The following HACE1 variants were observed in gnomAD, a reference collection of about 807,000 sequenced individuals.
The protein encoded by HACE1 is E3 ubiquitin-protein ligase HACE1.
Under a neutral mutation model 118.4 loss-of-function variants are expected in HACE1, and 73 were observed. The ratio of observed to expected loss-of-function variants is 0.62; its 90% CI spans 0.51 to 0.75. The LOEUF is 0.75. HACE1 is among the 30% of genes least tolerant of loss of function. HACE1 has a pLI of 0.00. For synonymous variants in HACE1, 368 were observed against 374.8 expected, an observed-to-expected ratio of 0.98 and a Z score of 0.21; for missense variants, 749 against 1,102.2, an observed-to-expected ratio of 0.68 and a Z score of 4.54.
chr6:104,760,695 A>C (rs1779253819), intron 19 of HACE1, among the ~76,000 whole-genome samples: 1 of 152,238 alleles, frequency 6.6e-6, no homozygotes, highest in African/African-American at 2.4e-5. Context: ...AATTCTGGCC[A>C]GGGCAATCAG....
At chr6:104,772,182 T>A in intron 17 of HACE1, 108 bp from the exon 18 acceptor site, 1 of 663,410 alleles carries the variant, frequency 1.5e-6, no homozygotes, top group Non-Finnish European at 2.7e-6. Context: ...AAAGCTAAGG[T>A]TACATTATGT....
At chr6:104,849,042 G>C in intron 4 of HACE1, 100 bp downstream of exon 4, 1 of 756,132 alleles carries the variant, frequency 1.3e-6, no homozygotes. Context: ...TTTTTCCCAA[G>C]GTAAATATCA....
chr6:104,840,998 A>T lies in HACE1; in HGVS notation c.402+2225T>A, dbSNP rs1321765602. The stretch of plus-strand genomic sequence containing the variant: ...TAGCTGGGCATGGTAGCAGGCGCCT[A>T]TATTCCCAGCTACTCGGGAGGCTGA... On this transcript the variant is annotated intron_variant, in intron 5 of 23. Coordinates refer to ENST00000262903, the MANE Select transcript of HACE1 (RefSeq NM_020771.4). Among the ~76,000 whole-genome samples the T allele has an allele frequency of 2.0e-5, 3 of 151,412 alleles. 1 individual carries two copies. Among genetic ancestry groups the T allele is most frequent in the Middle Eastern group, 6.8e-3 (2 of 292 alleles).
intron 4 of HACE1, among the ~76,000 whole-genome samples, chr6:104,848,034 T>C (rs1487744231): frequency 6.6e-6 from 1 of 151,718 alleles, no homozygotes; most frequent in Non-Finnish European, 1.5e-5. Flanking sequence ...GTATTTTTAG[T>C]AGAGACAGGG....
At chr6:104,740,119 T>G (rs146669089) in intron 22 of HACE1, among the ~76,000 whole-genome samples, 8 of 146,296 alleles carry the variant, frequency 5.5e-5, no homozygotes, top group African/African-American at 7.9e-5. Flanking sequence ...TTGAAACCAA[T>G]GAGAACAACG....
At chr6:104,775,346 T>A (rs548562260) in intron 17 of HACE1, among the ~76,000 whole-genome samples, 85 of 151,856 alleles carry the variant, frequency 5.6e-4, no homozygotes, top group Non-Finnish European at 9.6e-4. Context: ...ATTGCGCCAC[T>A]GCCCTCTAGC....
chr6:104,847,945 A>G (rs1775821074), intron 4 of HACE1, among the ~76,000 whole-genome samples: 1 of 151,772 alleles, frequency 6.6e-6, no homozygotes, highest in Non-Finnish European at 1.5e-5. Flanking sequence ...TCAGCCTCCC[A>G]GGCTCAAGCA....
intron 22 of HACE1, among the ~76,000 whole-genome samples, chr6:104,735,129 T>G (rs1380552720): frequency 6.6e-6 from 1 of 152,136 alleles, no homozygotes; most frequent in Non-Finnish European, 1.5e-5. Context: ...AATACCGTAA[T>G]TTAAAACTTT....
chr6:104,803,689 A>G (rs540329398), intron 7 of HACE1, among the ~76,000 whole-genome samples: 13 of 152,318 alleles, frequency 8.5e-5, no homozygotes, highest in African/African-American at 3.1e-4. Flanking sequence ...AACTCTCAAT[A>G]AACTAGGTAT....
intron 7 of HACE1, among the ~76,000 whole-genome samples, chr6:104,801,588 A>G (rs968700331): frequency 3.3e-5 from 5 of 152,230 alleles, no homozygotes; most frequent in Admixed American, 1.3e-4. Context: ...AATAATTTTC[A>G]ACTCAGAATT....
At chr6:104,854,262 A>G (rs755974163) in intron 1 of HACE1, among the ~76,000 whole-genome samples, 5 of 152,248 alleles carry the variant, frequency 3.3e-5, no homozygotes, top group Non-Finnish European at 7.3e-5. Flanking sequence ...CTAAAGAAAC[A>G]TAACTAAAGG....
chr6:104,855,497 T>C (rs920850488), intron 1 of HACE1, among the ~76,000 whole-genome samples: 4 of 152,066 alleles, frequency 2.6e-5, no homozygotes, highest in Admixed American at 2.0e-4. Context: ...TATCCTACAA[T>C]GCACCCAGTA....
Position 104,811,366 on chromosome 6 carries a change from C to T in HACE1, c.562G>A (p.Ala188Thr), listed in dbSNP as rs1449411601. ...GATACATTTGGCCTGTTAATATCAG[C>T]ACCACTGTCTAGCAAGCACTGCACT... ...TTVQCLLDSG[A>T]DINRPNVSGA... The change falls in exon 7 of 24, where the codon GCT becomes ACT. Residue 188 changes from alanine (A) to threonine (T), a missense_variant. Ala to Thr is a moderately conservative substitution (Grantham distance 58, BLOSUM62 0). Transcript: ENST00000262903. 1.9e-6 allele frequency: 3 copies of T among 1,539,854 alleles called. No homozygotes were observed. The highest frequency in any genetic ancestry group is 2.3e-5 in the East Asian group (1 of 44,126).
intron 14 of HACE1, 110 bp from the exon 15 acceptor site, chr6:104,777,427 T>A (rs1310786056): frequency 2.7e-6 from 2 of 739,092 alleles, no homozygotes; most frequent in Non-Finnish European, 4.9e-6. Flanking sequence ...CTTAGATCTT[T>A]ATTTACAATA....
At chr6:104,809,805 T>C (rs1407829408) in intron 7 of HACE1, among the ~76,000 whole-genome samples, 1 of 151,724 alleles carries the variant, frequency 6.6e-6, no homozygotes, top group Non-Finnish European at 1.5e-5. Flanking sequence ...GAGTTAGAAG[T>C]TCAGATTCCG....
At chr6:104,857,946 G>C (rs1315307553) in intron 1 of HACE1, among the ~76,000 whole-genome samples, 1 of 117,548 alleles carries the variant, frequency 8.5e-6, no homozygotes, top group East Asian at 2.4e-4. Flanking sequence ...GACAGAGTGA[G>C]ACTCCGTCTC....
chr6:104,758,761 GAT>G (rs1415449586), intron 19 of HACE1, among the ~76,000 whole-genome samples: 1 of 152,024 alleles, frequency 6.6e-6, no homozygotes, highest in Non-Finnish European at 1.5e-5. Flanking sequence ...TGGCAAATTG[GAT>G]AGAGTCAAGA....
At chr6:104,800,869 G>C (rs549493061) in intron 7 of HACE1, among the ~76,000 whole-genome samples, 3 of 152,262 alleles carry the variant, frequency 2.0e-5, no homozygotes, top group Admixed American at 6.5e-5. Flanking sequence ...GAATGACTTT[G>C]ACGAGTTCAC....
At chr6:104,738,356 G>A (rs1414146141) in intron 22 of HACE1, among the ~76,000 whole-genome samples, 2 of 150,774 alleles carry the variant, frequency 1.3e-5, no homozygotes, top group African/African-American at 4.9e-5. Flanking sequence ...GGCTTCAGAC[G>A]ATCAAATTAC....
Sources: allele counts gnomAD v4.1 joint callset (sites outside exome capture counted in the v4.1 genomes callset), GRCh38; gene constraint gnomAD v4.1.1; transcripts MANE v1.5; gene names NCBI Gene and HGNC (gene_info 2026-07-23, HGNC 2026-07-21).